The following GRID2 variants were observed in gnomAD, a reference collection of about 807,000 sequenced individuals.
GRID2 encodes the protein glutamate receptor ionotropic, delta-2.
In GRID2, 33 loss-of-function variants were observed where a neutral mutation model predicts 114.8. The observed-to-expected ratio is 0.29, with a 90% confidence interval of 0.22 to 0.38. The LOEUF is 0.38. GRID2 is among the 10% of genes least tolerant of loss of function. GRID2 has a pLI of 1.00. For synonymous variants in GRID2, 505 were observed against 449.9 expected (o/e 1.12, Z -1.55); for missense variants, 1,184 against 1,257.7 (o/e 0.94, Z 0.89).
chr4:92,605,433 A>G (rs1207179757), intron 2 of GRID2, among the ~76,000 whole-genome samples: 2 of 152,028 alleles, frequency 1.3e-5, no homozygotes, highest in Non-Finnish European at 2.9e-5. Flanking sequence ...ATAGTCTACT[A>G]GGGGCAATAT....
intron 14 of GRID2, among the ~76,000 whole-genome samples, chr4:93,765,742 T>C (rs1050697018): frequency 4.0e-5 from 6 of 151,114 alleles, no homozygotes; most frequent in Admixed American, 6.6e-5. Context: ...GGGCCCCAAA[T>C]ACCACTGAGA....
At chr4:93,775,210 G>A (rs539051641), downstream of GRID2, among the ~76,000 whole-genome samples, 1 of 151,318 alleles carries the variant, frequency 6.6e-6, no homozygotes, top group South Asian at 2.1e-4. Flanking sequence ...TTTGAATATT[G>A]GAACTAAGAG....
At chr4:92,779,516 G>A (rs914064275) in intron 2 of GRID2, among the ~76,000 whole-genome samples, 1 of 152,066 alleles carries the variant, frequency 6.6e-6, no homozygotes, top group Non-Finnish European at 1.5e-5. Flanking sequence ...AAAGCTAGAA[G>A]TGAGCATTCC....
At chr4:93,415,988 T>C (rs1356501868) in intron 9 of GRID2, among the ~76,000 whole-genome samples, 1 of 151,998 alleles carries the variant, frequency 6.6e-6, no homozygotes, top group Non-Finnish European at 1.5e-5. Context: ...CTAAGTTTAA[T>C]GTATTATTTA....
At chr4:92,709,315 G>A (rs1735104832) in intron 2 of GRID2, among the ~76,000 whole-genome samples, 1 of 151,968 alleles carries the variant, frequency 6.6e-6, no homozygotes, top group Non-Finnish European at 1.5e-5. Context: ...TATTTGTTAA[G>A]TAAATATTTA....
intron 2 of GRID2, among the ~76,000 whole-genome samples, chr4:92,706,956 A>G (rs1302896524): frequency 6.6e-6 from 1 of 152,118 alleles, no homozygotes; most frequent in Non-Finnish European, 1.5e-5. Context: ...ATACTATATC[A>G]TTTTTATAGC....
At chr4:92,885,552 A>T (rs1159944105) in intron 2 of GRID2, among the ~76,000 whole-genome samples, 4 of 152,276 alleles carry the variant, frequency 2.6e-5, no homozygotes, top group African/African-American at 9.6e-5. Flanking sequence ...CCCTGATGGT[A>T]CTTTTCATTT....
intron 2 of GRID2, among the ~76,000 whole-genome samples, chr4:92,872,353 A>G (rs556747008): frequency 6.6e-6 from 1 of 152,290 alleles, no homozygotes; most frequent in African/African-American, 2.4e-5. Flanking sequence ...CATCTTAGAA[A>G]AAGGAAACTA....
chr4:92,347,581 G>T (rs934064588), intron 1 of GRID2, among the ~76,000 whole-genome samples: 8 of 152,086 alleles, frequency 5.3e-5, no homozygotes, highest in Non-Finnish European at 7.4e-5. Flanking sequence ...TTTATTTTGG[G>T]TAGAGGATTC....
At chr4:93,045,247 T>G (rs186685089) in intron 2 of GRID2, among the ~76,000 whole-genome samples, 1 of 152,262 alleles carries the variant, frequency 6.6e-6, no homozygotes, top group Non-Finnish European at 1.5e-5. Flanking sequence ...GCCTTTTGTC[T>G]AGTTGGCCTT....
intron 7 of GRID2, among the ~76,000 whole-genome samples, chr4:93,230,740 T>G (rs1746034187): frequency 1.3e-5 from 2 of 152,138 alleles, no homozygotes; most frequent in Non-Finnish European, 2.9e-5. Flanking sequence ...ATCATTTTTA[T>G]TCACTCCTGT....
intron 8 of GRID2, among the ~76,000 whole-genome samples, chr4:93,299,556 G>A (rs1329296896): frequency 1.7e-5 from 2 of 114,978 alleles, no homozygotes; most frequent in South Asian, 6.8e-4. Flanking sequence ...GTTGTGGGGT[G>A]GGGGGAGGGG....
intron 2 of GRID2, among the ~76,000 whole-genome samples, chr4:92,608,227 C>A (rs1036043502): frequency 6.6e-6 from 1 of 151,696 alleles, no homozygotes; most frequent in Admixed American, 6.6e-5. Flanking sequence ...CACCTCTTTC[C>A]CAAACTAGTG....
At chr4:92,762,800 G>C (rs1179857071) in intron 2 of GRID2, among the ~76,000 whole-genome samples, 1 of 152,188 alleles carries the variant, frequency 6.6e-6, no homozygotes, top group African/African-American at 2.4e-5. Flanking sequence ...TTTTTATCCT[G>C]TGATGTTGTG....
chr4:92,336,954 GTTTTTTTT>G (rs59093874), intron 1 of GRID2, among the ~76,000 whole-genome samples: 3 of 78,184 alleles, frequency 3.8e-5, no homozygotes, highest in Non-Finnish European at 6.8e-5. Flanking sequence ...TTTCGTTGTT[GTTTTTTTT>G]TTTTTTTTTT....
At chr4:93,393,723 G>T (rs1293428311) in intron 8 of GRID2, among the ~76,000 whole-genome samples, 1 of 151,892 alleles carries the variant, frequency 6.6e-6, no homozygotes, top group African/African-American at 2.4e-5. Context: ...AATGGCTCAG[G>T]TTTCACTGTT....
At chr4:93,528,798 A>T (rs1731174683) in intron 13 of GRID2, among the ~76,000 whole-genome samples, 1 of 152,186 alleles carries the variant, frequency 6.6e-6, no homozygotes, top group Non-Finnish European at 1.5e-5. Context: ...AACTCATGTT[A>T]TTCGGACACA....
At chr4:93,212,698 G>A (rs749522928) in intron 5 of GRID2, among the ~76,000 whole-genome samples, 3 of 151,868 alleles carry the variant, frequency 2.0e-5, no homozygotes, top group African/African-American at 7.3e-5. Flanking sequence ...AATTTGAATA[G>A]TGTAAGACAT....
At chr4:92,541,994 T>C (rs902556851) in intron 1 of GRID2, among the ~76,000 whole-genome samples, 3 of 152,158 alleles carry the variant, frequency 2.0e-5, no homozygotes, top group African/African-American at 7.2e-5. Flanking sequence ...TTTGTGTTCT[T>C]TTTTATTTTA....
Sources: gnomAD v4.1 joint callset for allele counts (sites outside exome capture counted in the v4.1 genomes callset) on GRCh38, gnomAD v4.1.1 for gene constraint, MANE v1.5 for transcripts, NCBI Gene and HGNC (gene_info 2026-07-23, HGNC 2026-07-21) for gene names.